Variants in ZNF835 observed in about 807,000 individuals in gnomAD.
ZNF835 encodes zinc finger protein 835.
For missense variants in ZNF835, 783 were observed against 758.4 expected (o/e 1.03, Z -0.38); for synonymous variants, 323 against 324.7 (o/e 0.99, Z 0.06).
At position 56,663,753 on chromosome 19, in the gene ZNF835, G is replaced by A. The variant is rs115625349; in HGVS notation, c.1446C>T (p.Ala482=). The A allele has an allele frequency of 0.031, 50,076 of 1,613,968 alleles. 2,408 individuals are homozygous for A. The highest frequency in any genetic ancestry group is 0.21 in the African/African-American group (16,099 of 75,012). ...KPYECSGCGK[A]FSFSSALIRH... ...GGATGAGCGCGGAGGAGAAGCTGAA[G>A]GCCTTCCCGCAGCCGCTGCACTCGT... Residue 482 remains alanine, a synonymous_variant, in exon 2 of 2, where the codon GCC becomes GCT. Coordinates refer to ENST00000537055, the MANE Select transcript of ZNF835 (RefSeq NM_001005850.3).
chr19:56,663,075 C>A lies in ZNF835; in HGVS notation c.*510G>T, dbSNP rs2045198725. The A allele has an allele frequency of 6.4e-6, 1 of 155,320 alleles. No homozygotes were observed. The highest frequency in any genetic ancestry group is 2.0e-4 in the South Asian group (1 of 5,084). 9.6% of individuals were successfully genotyped at this position (155,320 alleles called of 1,614,324 possible). A position where few individuals can be genotyped will look rare whatever the true frequency, so the allele number is the denominator to read the frequency against. ...ACTCGGGAGGCTGAGGTAGGGGAAT[C>A]ACTTGAACCCGGGAGGCGGAGGTTG... On this transcript the variant is annotated 3_prime_UTR_variant, in exon 2 of 2. Coordinates refer to ENST00000537055, the MANE Select transcript of ZNF835 (RefSeq NM_001005850.3).
intron 1 of ZNF835, among the ~76,000 whole-genome samples, chr19:56,668,898 C>T (rs748216172): frequency 6.6e-5 from 10 of 151,722 alleles, no homozygotes; most frequent in African/African-American, 7.3e-5. Flanking sequence ...GTACCCACCT[C>T]GTGTGTAGGG....
chr19:56,665,277 A>G (rs1408981214), intron 1 of ZNF835, 32 bp from the exon 2 acceptor site: 1 of 1,575,842 alleles, frequency 6.3e-7, no homozygotes, highest in Non-Finnish European at 8.6e-7. Context: ...AAAAAATTAA[A>G]TGTTGCCACT....
intron 1 of ZNF835, among the ~76,000 whole-genome samples, chr19:56,670,617 C>T (rs755510206): frequency 5.9e-5 from 9 of 152,204 alleles, no homozygotes; most frequent in Non-Finnish European, 8.8e-5. Context: ...CTGCTCCACA[C>T]AGGCCGGCCA....
intron 1 of ZNF835, among the ~76,000 whole-genome samples, chr19:56,665,999 C>T (rs1321354256): frequency 6.6e-6 from 1 of 150,450 alleles, no homozygotes; most frequent in African/African-American, 2.4e-5. Context: ...AATTGTGCCC[C>T]CTCAAAATTT....
At position 56,662,056 on chromosome 19, in the gene ZNF835, C is replaced by T. The variant is rs2045191539; in HGVS notation, c.*1529G>A. On this transcript the variant is annotated 3_prime_UTR_variant, in exon 2 of 2. Transcript: ENST00000537055. ...TTCATAACTCCTACTTTTCACCCTT[C>T]CCTGGGACCACATGCTTAGGAAGGC... The T allele has an allele frequency of 6.6e-6, 1 of 152,140 alleles. No homozygotes were observed. 9.4% of individuals were successfully genotyped at this position (152,140 alleles called of 1,614,324 possible).
Position 56,663,729 on chromosome 19 carries a change from G to C in ZNF835, c.1470C>G (p.Ile490Met), listed in dbSNP as rs530225210. The C allele has an allele frequency of 9.3e-6, 15 of 1,613,990 alleles. No homozygotes were observed. The highest frequency in any genetic ancestry group is 3.3e-4 in the Middle Eastern group (2 of 6,062). ...TGTCTGCATGCGTCCTCTGGTGTCG[G>C]ATGAGCGCGGAGGAGAAGCTGAAGG... ...GKAFSFSSAL[I>M]RHQRTHADSS... The change falls in exon 2 of 2, where the codon ATC becomes ATG. Residue 490 changes from isoleucine to methionine, a missense_variant. Coordinates refer to ENST00000537055, the MANE Select transcript of ZNF835 (RefSeq NM_001005850.3).
chr19:56,665,253 G>T lies in ZNF835; in HGVS notation c.-47-8C>A. ...CACATCTTTTCTCTGGGTCTGAAAA[G>T]AAAAAGATAGAAAAAAAAATTAAAT... On this transcript the variant is annotated splice_polypyrimidine_tract_variant and splice_region_variant and intron_variant, in intron 1 of 1. Transcript: ENST00000537055. 12 of 1,593,084 alleles carry T rather than the reference G, an allele frequency of 7.5e-6. No homozygotes were observed. The highest frequency in any genetic ancestry group is 1.0e-5 in the Non-Finnish European group (12 of 1,172,790).
In ZNF835 at chr19:56,664,357, C is replaced by T. The variant is rs1017929221; in HGVS notation, c.842G>A (p.Gly281Asp). ...CTGCGCGAAGGCCTTGGCGCACTGG[C>T]CGCAGCGGTAGGGCTTCTCCTCCGT... ...IHTEEKPYRC[G>D]QCAKAFAQIA... The change falls in exon 2 of 2, where the codon GGC (glycine) becomes GAC (aspartate). Residue 281 changes from glycine (G) to aspartate (D), a missense_variant. Gly to Asp is a moderately conservative substitution (Grantham distance 94). Transcript: ENST00000537055. 6.3e-7 allele frequency: 1 copy of T among 1,592,096 alleles called. No individual in the cohort carries two copies. Among genetic ancestry groups the T allele is most frequent in the Non-Finnish European group, 8.5e-7 (1 of 1,171,818 alleles).
chr19:56,669,072 C>T (rs915948001), intron 1 of ZNF835, among the ~76,000 whole-genome samples: 1 of 152,280 alleles, frequency 6.6e-6, no homozygotes, highest in South Asian at 2.1e-4. Flanking sequence ...ACCAAGTCTC[C>T]AATCTGCTCT....
At chr19:56,666,386 C>T (rs775450452) in intron 1 of ZNF835, among the ~76,000 whole-genome samples, 4 of 152,182 alleles carry the variant, frequency 2.6e-5, no homozygotes, top group South Asian at 2.1e-4. Context: ...GGATTACAGG[C>T]GTGAGCCACC....
intron 1 of ZNF835, among the ~76,000 whole-genome samples, chr19:56,668,803 C>T (rs544419230): frequency 9.2e-5 from 14 of 151,914 alleles, no homozygotes; most frequent in African/African-American, 2.4e-4. Flanking sequence ...CAGGAAGTCA[C>T]GTGTGCTGGT....
Position 56,665,002 on chromosome 19 carries a change from C to T in ZNF835, c.197G>A (p.Ser66Asn). ...GACACTGGCTTGGGTAGCAGCAGGG[C>T]TCGATATGGTTCTTGGGATTCGGCT... ...EFSRIPRTIS[S>N]PAATQASVPD... Residue 66 changes from serine (S) to asparagine (N), a missense_variant, in exon 2 of 2, where the codon AGC becomes AAC. Coordinates refer to ENST00000537055, the MANE Select transcript of ZNF835 (RefSeq NM_001005850.3). The T allele has an allele frequency of 6.2e-7, 1 of 1,614,036 alleles. No homozygotes were observed. The highest frequency in any genetic ancestry group is 1.1e-5 in the South Asian group (1 of 91,090).
rs2045296205 is a variant in ZNF835 at position 56,671,752 on chromosome 19, C to G, written c.-224G>C. On this transcript the variant is annotated 5_prime_UTR_variant, in exon 1 of 2. Transcript: ENST00000537055. ...TTCTGCTGCTGCGGAGGAGCCCGCG[C>G]ACCAGGCCGGGGTGGACTGCGCCTG... 5 of 152,314 alleles carry G rather than the reference C, an allele frequency of 3.3e-5. No individual in the cohort carries two copies. Among genetic ancestry groups the G allele is most frequent in the African/African-American group, 7.2e-5 (3 of 41,474 alleles). The allele number at this position is 152,314 out of a possible 1,614,324, so 9.4% of individuals were successfully genotyped here. A position where few individuals can be genotyped will look rare whatever the true frequency, so the allele number is the denominator to read the frequency against.
At chr19:56,666,297 G>T (rs1219704407) in intron 1 of ZNF835, among the ~76,000 whole-genome samples, 2 of 152,132 alleles carry the variant, frequency 1.3e-5, no homozygotes, top group Non-Finnish European at 2.9e-5. Context: ...AGTAGAGAGG[G>T]GGTTTCACCA....
chr19:56,666,318 G>T (rs1230615877), intron 1 of ZNF835, among the ~76,000 whole-genome samples: 1 of 152,202 alleles, frequency 6.6e-6, no homozygotes, highest in Admixed American at 6.5e-5. Context: ...TATTGGCCAG[G>T]CTGGTCTCAA....
chr19:56,665,610 T>C, intron 1 of ZNF835: 1 of 404,596 alleles, frequency 2.5e-6, no homozygotes, highest in South Asian at 1.9e-5. Context: ...GTCTGCTGCC[T>C]GGGCAACACA....
At position 56,664,776 on chromosome 19, in the gene ZNF835, G is replaced by C. The variant is rs201004452; in HGVS notation, c.423C>G (p.Pro141=). ...IHTGEKPFAC[P]ECGKAFSQSV... is the part of the protein sequence containing the mutation. Reference sequence around the variant, plus strand: ...TCTGGCTGAAGGCCTTGCCGCACTCGGGGCACGCAAATGGCTTCTCCCCGG... The same window carrying C: ...TCTGGCTGAAGGCCTTGCCGCACTCCGGGCACGCAAATGGCTTCTCCCCGG... Residue 141 remains proline, a synonymous_variant, in exon 2 of 2, where the codon CCC becomes CCG. Coordinates refer to ENST00000537055, the MANE Select transcript of ZNF835 (RefSeq NM_001005850.3). 8 of 1,614,024 alleles carry C rather than the reference G, an allele frequency of 5.0e-6. No individual in the cohort carries two copies. Among genetic ancestry groups the C allele is most frequent in the Non-Finnish European group, 6.8e-6 (8 of 1,180,026 alleles).
Position 56,664,267 on chromosome 19 carries a change from C to G in ZNF835, c.932G>C (p.Cys311Ser). The G allele has an allele frequency of 6.2e-7, 1 of 1,606,750 alleles. No homozygotes were observed. Among genetic ancestry groups the G allele is most frequent in the Non-Finnish European group, 8.5e-7 (1 of 1,176,904 alleles). Residue 311 changes from cysteine (C) to serine (S), a missense_variant, in exon 2 of 2, where the codon TGC (cysteine) becomes TCC (serine). By Grantham distance (112) the Cys-to-Ser change is moderately radical. Transcript: ENST00000537055. ...TGEKPYTCQD[C>S]GALFSQSASL... ...GGCGCTCTGGCTGAAGAGCGCGCCG[C>G]AGTCCTGGCACGTGTAGGGCTTCTC...
Sources: gnomAD v4.1 joint callset for allele counts (sites outside exome capture counted in the v4.1 genomes callset) on GRCh38, gnomAD v4.1.1 for gene constraint, MANE v1.5 for transcripts, NCBI Gene and HGNC (gene_info 2026-07-23, HGNC 2026-07-21) for gene names.